The following MTAP variants were observed in gnomAD, a reference collection of about 807,000 sequenced individuals.
MTAP encodes S-methyl-5'-thioadenosine phosphorylase.
In MTAP, 33 loss-of-function variants were observed where a neutral mutation model predicts 33.6. The observed-to-expected ratio is 0.98, with a 90% CI of 0.74 to 1.31. MTAP has a LOEUF of 1.31. Ranked by LOEUF, MTAP falls within the 40% of genes most tolerant of loss-of-function variation. The probability of loss-of-function intolerance (pLI) is 0.00; values close to 1 mark genes in which losing one functional copy is unlikely to be tolerated. For synonymous variants in MTAP, 148 were observed against 125.7 expected, an observed-to-expected ratio of 1.18 and a Z score of -1.19; for missense variants, 367 against 360.0, an observed-to-expected ratio of 1.02 and a Z score of -0.16.
chr9:21,854,715 T>C lies in MTAP; in HGVS notation c.535T>C (p.Ser179Pro). The part of the protein sequence containing the change: ...MVTIEGPRFS[S>P]RAESFMFRTW... ...CACAATCGAGGGACCTCGTTTTAGC[T>C]CCCGGGCAGAAAGCTTCATGTTCCG... Residue 179 changes from serine to proline, a missense_variant, in exon 6 of 8, where the codon TCC (serine) becomes CCC (proline). Ser to Pro is a moderately conservative substitution (Grantham distance 74). Transcript: ENST00000644715. The C allele has an allele frequency of 6.2e-7, 1 of 1,614,052 alleles. No homozygotes were observed.
intron 5 of MTAP, among the ~76,000 whole-genome samples, chr9:21,845,850 C>G (rs1478548115): frequency 6.6e-6 from 1 of 152,092 alleles, no homozygotes; most frequent in African/African-American, 2.4e-5. Context: ...TATCACATTA[C>G]CTGACATCAA....
At chr9:21,815,561 A>G (rs1554641928) in intron 2 of MTAP, 42 bp downstream of exon 2, 1 of 1,245,208 alleles carries the variant, frequency 8.0e-7, no homozygotes, top group Non-Finnish European at 1.2e-6. Flanking sequence ...TAGTTTTTTC[A>G]TTTCTCCTTG....
At position 21,840,148 on chromosome 9, in the gene MTAP, C is replaced by A. The variant is rs182981664; in HGVS notation, c.450+2138C>A. Among the ~76,000 whole-genome samples the A allele has an allele frequency of 5.2e-3, 797 of 152,050 alleles. 4 individuals are homozygous for A. Among genetic ancestry groups the A allele is most frequent in the African/African-American group, 0.019 (778 of 41,444 alleles). On this transcript the variant is annotated intron_variant, in intron 5 of 7. Coordinates refer to ENST00000644715, the MANE Select transcript of MTAP (RefSeq NM_002451.4). ...GGCTGAGGCAGGAGAATCGCTTGAA[C>A]CTGGGAGGCAGAGCTTGCAGTGAGC... is the stretch of plus-strand genomic sequence containing the variant.
chr9:21,863,154 A>C lies in MTAP; in HGVS notation c.*1140A>C, dbSNP rs886063785. The C allele has an allele frequency of 9.2e-6, 9 of 973,156 alleles. No homozygotes were observed. Among genetic ancestry groups the C allele is most frequent in the Non-Finnish European group, 1.1e-5 (9 of 818,852 alleles). 60.3% of individuals were successfully genotyped at this position (973,156 alleles called of 1,614,324 possible). On this transcript the variant is annotated 3_prime_UTR_variant, in exon 8 of 8. Transcript: ENST00000644715. ...GTTTAACTGAAAGTTTAACTATTTA[A>C]AAGACTAAATGCACATTTTATGGTA...
chr9:21,902,162 T>TA (rs1818403598), intron 1 of MTAP, among the ~76,000 whole-genome samples: 1 of 152,210 alleles, frequency 6.6e-6, no homozygotes, highest in African/African-American at 2.4e-5. Flanking sequence ...GGCTCAAGGC[T>TA]AAGCCACTAG....
At chr9:21,913,913 C>T (rs201065115) in intron 1 of MTAP, among the ~76,000 whole-genome samples, 9 of 152,152 alleles carry the variant, frequency 5.9e-5, no homozygotes, top group South Asian at 2.1e-4. Flanking sequence ...GAATCCACAA[C>T]GAACTCAAAC....
At chr9:21,930,770 C>G in intron 1 of MTAP, 4 of 711,224 alleles carry the variant, frequency 5.6e-6, no homozygotes, top group Non-Finnish European at 4.9e-6. Flanking sequence ...AAAAATGTTG[C>G]TTTTGGGTAA....
chr9:21,878,579 C>G (rs1488861068), intron 1 of MTAP, among the ~76,000 whole-genome samples: 2 of 152,100 alleles, frequency 1.3e-5, no homozygotes, highest in African/African-American at 4.8e-5. Context: ...CCAGGCTTAT[C>G]TCCAACTCCT....
At chr9:21,934,725 GA>G (rs2131054036), downstream of MTAP, 1 of 151,270 alleles carries the variant, frequency 6.6e-6, no homozygotes, top group East Asian at 1.9e-4. The surrounding 1 kb of genome is among the most constrained non-coding windows in gnomAD (Gnocchi z 5.0). Flanking sequence ...TTTTGAGACG[GA>G]GTCTCTCTCT....
chr9:21,830,041 G>A (rs887023182), intron 4 of MTAP, among the ~76,000 whole-genome samples: 4 of 152,168 alleles, frequency 2.6e-5, no homozygotes, highest in Non-Finnish European at 2.9e-5. Flanking sequence ...AGAGAGTGCA[G>A]TGGGTTCAAG....
intron 4 of MTAP, among the ~76,000 whole-genome samples, chr9:21,825,121 C>T (rs1287052850): frequency 6.6e-6 from 1 of 152,182 alleles, no homozygotes; most frequent in African/African-American, 2.4e-5. Context: ...CACCCACTGT[C>T]CGACAAGCCC....
intron 1 of MTAP, among the ~76,000 whole-genome samples, chr9:21,810,145 C>G (rs916405500): frequency 6.6e-6 from 1 of 152,212 alleles, no homozygotes; most frequent in Non-Finnish European, 1.5e-5. Context: ...GAAGCATTAT[C>G]TCCTCACAGC....
At chr9:21,807,087 C>T (rs1180809458) in intron 1 of MTAP, among the ~76,000 whole-genome samples, 1 of 152,088 alleles carries the variant, frequency 6.6e-6, no homozygotes, top group Non-Finnish European at 1.5e-5. Context: ...TCTCTTGAGC[C>T]CAGGAGGCAG....
chr9:21,861,782 A>C lies in MTAP; in HGVS notation c.814-194A>C, dbSNP rs181202588. Reference sequence around the variant, plus strand: ...CACTTTACAGGAAAGGGAGGTGAGGAACCAAGAGTTTAGAGTACCCGAAGT... The same window carrying C: ...CACTTTACAGGAAAGGGAGGTGAGGCACCAAGAGTTTAGAGTACCCGAAGT... On this transcript the variant is annotated intron_variant, in intron 7 of 7. Coordinates refer to ENST00000644715, the MANE Select transcript of MTAP (RefSeq NM_002451.4). 748 of 601,314 alleles carry C rather than the reference A, an allele frequency of 1.2e-3. 3 individuals are homozygous for C. Among genetic ancestry groups the C allele is most frequent in the African/African-American group, 0.012 (630 of 53,698 alleles). 37.2% of individuals were successfully genotyped at this position (601,314 alleles called of 1,614,324 possible). A position where few individuals can be genotyped will look rare whatever the true frequency, so the allele number is the denominator to read the frequency against.
At chr9:21,891,646 A>G (rs1022938315) in intron 1 of MTAP, among the ~76,000 whole-genome samples, 1 of 152,198 alleles carries the variant, frequency 6.6e-6, no homozygotes, top group Non-Finnish European at 1.5e-5. Flanking sequence ...AAACCTATGA[A>G]TGACTGACAT....
chr9:21,873,475 TA>T (rs1415905310), intron 1 of MTAP, among the ~76,000 whole-genome samples: 1 of 152,102 alleles, frequency 6.6e-6, no homozygotes, highest in Non-Finnish European at 1.5e-5. Context: ...AGTTTCTCTA[TA>T]AATAAGGCCC....
In MTAP at chr9:21,915,085, C is replaced by G. The variant is rs566695426; in HGVS notation, c.148-15923C>G. Among the ~76,000 whole-genome samples, 12 of 71,256 alleles carry G rather than the reference C, an allele frequency of 1.7e-4. 1 individual carries two copies. The East Asian group carries it at 7.3e-3, about 44-fold the overall frequency. 46.7% of individuals were successfully genotyped at this position (71,256 alleles called of 152,430 possible). ...CTTTCTTTCTTTCTTTCTTTCTTTC[C>G]TTTCTTTCTTTTCTTTCGGCAGAGT... On this transcript the variant is annotated intron_variant, in intron 1 of 1. Transcript: ENST00000577563.
chr9:21,812,245 C>A, intron 1 of MTAP: 1 of 227,216 alleles, frequency 4.4e-6, no homozygotes, highest in Non-Finnish European at 8.9e-6. Flanking sequence ...CAGATGGTGA[C>A]CCCACTCATG....
At chr9:21,841,344 TA>T (rs1825239219) in intron 5 of MTAP, among the ~76,000 whole-genome samples, 1 of 151,738 alleles carries the variant, frequency 6.6e-6, no homozygotes. Context: ...CAGCAACTCA[TA>T]AAACAATAAC....
Sources: allele counts gnomAD v4.1 joint callset (sites outside exome capture counted in the v4.1 genomes callset), GRCh38; gene constraint gnomAD v4.1.1; non-coding constraint Gnocchi (gnomAD v3.1); transcripts MANE v1.5; gene names NCBI Gene and HGNC (gene_info 2026-07-23, HGNC 2026-07-21).